Variants in TPH1 observed in about 807,000 individuals in gnomAD.
The protein encoded by TPH1 is tryptophan 5-hydroxylase 1.
A neutral mutation model predicts 49.5 loss-of-function variants in TPH1; 37 were observed. That is an observed-to-expected ratio of 0.75 (90% CI 0.58 to 0.98). The LOEUF (loss-of-function observed/expected upper bound fraction) is 0.98. TPH1 is among the 50% of genes least tolerant of loss of function. TPH1 has a pLI of 0.00. For missense variants in TPH1, 487 were observed against 523.6 expected, an observed-to-expected ratio of 0.93 and a Z score of 0.68; for synonymous variants, 160 against 182.1, an observed-to-expected ratio of 0.88 and a Z score of 0.98.
In TPH1 at chr11:18,040,789, C is replaced by T. The variant is rs751332233; in HGVS notation, c.-26-1G>A. 6.2e-7 allele frequency: 1 copy of T among 1,607,688 alleles called. No individual in the cohort carries two copies. The highest frequency in any genetic ancestry group is 8.5e-7 in the Non-Finnish European group (1 of 1,177,138). On this transcript the variant is annotated splice_acceptor_variant, in intron 1 of 10. Transcript: ENST00000682019. LOFTEE classifies it low-confidence loss of function (5UTR_SPLICE). ...ATGAATTTGGAGTAATTCTCTAAAA[C>T]TAAAGTATGAAAACAAAGACTACGG...
chr11:18,026,695 T>G, intron 6 of TPH1, 70 bp from the exon 7 acceptor site: 1 of 1,590,658 alleles, frequency 6.3e-7, no homozygotes, highest in Non-Finnish European at 8.6e-7. Context: ...ATTTTAGTTC[T>G]GCTAGTGGCA....
Position 18,040,695 on chromosome 11 carries a change from G to GA in TPH1, c.67dup (p.Ser23PhefsTer5). ...AAGTCCTCCAACTTCATTCTTTAAG[G>GA]AAAAAATGAGACTTGCTCTTCCCCT... On this transcript the variant is annotated frameshift_variant, in exon 2 of 11. Transcript: ENST00000682019. LOFTEE classifies it high-confidence loss of function. 2 of 1,612,026 alleles carry GA rather than the reference G, an allele frequency of 1.2e-6. No homozygotes were observed. Among genetic ancestry groups the GA allele is most frequent in the Non-Finnish European group, 1.7e-6 (2 of 1,178,928 alleles).
chr11:18,018,186 A>C lies in TPH1; in HGVS notation c.*2805T>G, dbSNP rs1033716125. Reference sequence around the variant, plus strand: ...GAGTGAGACTCTGTCTCAAAAAAAAAAAAAAATTATAAACGAAGCTTTTAG... The same window carrying C: ...GAGTGAGACTCTGTCTCAAAAAAAACAAAAAATTATAAACGAAGCTTTTAG... On this transcript the variant is annotated 3_prime_UTR_variant, in exon 11 of 11. Transcript: ENST00000682019. 6.6e-6 allele frequency: 1 copy of C among 152,052 alleles called. No individual in the cohort carries two copies. Among genetic ancestry groups the C allele is most frequent in the Non-Finnish European group, 1.5e-5 (1 of 68,014 alleles). 9.4% of individuals were successfully genotyped at this position (152,052 alleles called of 1,614,324 possible).
rs1565234932 is a variant in TPH1 at position 18,023,929 on chromosome 11, C to CTCTTAGCTGTCCATCT, written c.969_984dup (p.Val329ArgfsTer17). 6.2e-7 allele frequency: 1 copy of CTCTTAGCTGTCCATCT among 1,613,482 alleles called. No homozygotes were observed. The highest frequency in any genetic ancestry group is 2.2e-5 in the East Asian group (1 of 44,804). ...GAAGAAAGTAAGCCAGCACCAAAGA[C>CTCTTAGCTGTCCATCT]TCTTAGCTGTCCATCTTGTTTACAT... On this transcript the variant is annotated frameshift_variant, in exon 9 of 11. Transcript: ENST00000682019. LOFTEE classifies it high-confidence loss of function.
At chr11:18,039,799 G>A (rs1564859976) in intron 2 of TPH1, among the ~76,000 whole-genome samples, 1 of 152,062 alleles carries the variant, frequency 6.6e-6, no homozygotes, top group Non-Finnish European at 1.5e-5. Flanking sequence ...ATAAATATTC[G>A]TGTTCTGCCT....
chr11:18,038,901 A>G (rs891310750), intron 2 of TPH1, among the ~76,000 whole-genome samples: 3 of 152,158 alleles, frequency 2.0e-5, no homozygotes, highest in African/African-American at 7.2e-5. Flanking sequence ...ATTTGGAAGG[A>G]CTGGGAGAGG....
chr11:18,046,203 C>T (rs1255684871), intron 1 of TPH1, among the ~76,000 whole-genome samples, 38 bp downstream of exon 1: 3 of 152,130 alleles, frequency 2.0e-5, no homozygotes, highest in African/African-American at 4.8e-5. Flanking sequence ...GCCTCGACGG[C>T]GGTCCCCGGT....
chr11:18,035,018 C>T (rs1378573910), intron 3 of TPH1, among the ~76,000 whole-genome samples: 1 of 152,240 alleles, frequency 6.6e-6, no homozygotes, highest in African/African-American at 2.4e-5. Flanking sequence ...CTAGATCCCT[C>T]GCACTCGCAG....
chr11:18,023,665 C>A (rs1854389863), intron 9 of TPH1, among the ~76,000 whole-genome samples: 1 of 150,356 alleles, frequency 6.7e-6, no homozygotes, highest in Admixed American at 6.6e-5. Flanking sequence ...TTATAAAATT[C>A]TTATTTTATC....
At chr11:18,045,227 C>G (rs1476530541) in intron 1 of TPH1, among the ~76,000 whole-genome samples, 1 of 152,050 alleles carries the variant, frequency 6.6e-6, no homozygotes, top group Admixed American at 6.5e-5. Flanking sequence ...GAATCCTCTA[C>G]GGAGTCTTGA....
At chr11:18,024,968 C>G (rs1265286086) in intron 8 of TPH1, among the ~76,000 whole-genome samples, 5 of 152,174 alleles carry the variant, frequency 3.3e-5, no homozygotes, top group African/African-American at 1.2e-4. Context: ...GTCCTTCTCC[C>G]AGGAAACCTT....
chr11:18,023,253 G>A, intron 9 of TPH1: 1 of 336,648 alleles, frequency 3.0e-6, no homozygotes, highest in South Asian at 2.9e-5. Flanking sequence ...TTATTCCTAT[G>A]TATGACTTAT....
At chr11:18,044,639 C>A (rs1010129999) in intron 1 of TPH1, among the ~76,000 whole-genome samples, 1 of 151,862 alleles carries the variant, frequency 6.6e-6, no homozygotes. Context: ...TATGAGGCAT[C>A]AGTTATTTTT....
At chr11:18,045,865 A>G (rs373904409) in intron 1 of TPH1, among the ~76,000 whole-genome samples, 3 of 152,146 alleles carry the variant, frequency 2.0e-5, no homozygotes, top group Admixed American at 6.5e-5. Context: ...GAAGGGAAGG[A>G]AGAAAAATCT....
At chr11:18,044,750 G>GA (rs201000016) in intron 1 of TPH1, among the ~76,000 whole-genome samples, 50,535 of 149,026 alleles carry the variant, frequency 0.34, 9,137 homozygotes, top group Middle Eastern at 0.42. Context: ...ACTCTTTCAG[G>GA]AAAACAAAAC....
chr11:18,026,135 C>A (rs575563492), intron 7 of TPH1, among the ~76,000 whole-genome samples: 1 of 152,088 alleles, frequency 6.6e-6, no homozygotes, highest in Non-Finnish European at 1.5e-5. Context: ...CAACACCACT[C>A]GATGCAACAT....
rs762245259 is a variant in TPH1, at chr11:18,035,953, A to C, written c.301+6T>G. ...TCTAAGTAGTATTTTCACATTTTGA[A>C]CTTACCATCTTCCTTCAAAGTAAAA... On this transcript the variant is annotated splice_donor_region_variant and intron_variant, in intron 3 of 10. Transcript: ENST00000682019. 2.5e-6 allele frequency: 4 copies of C among 1,608,340 alleles called. No individual in the cohort carries two copies. Among genetic ancestry groups the C allele is most frequent in the East Asian group, 2.2e-5 (1 of 44,800 alleles).
chr11:18,042,552 C>A, intron 1 of TPH1: 1 of 269,708 alleles, frequency 3.7e-6, no homozygotes, highest in South Asian at 3.7e-5. Context: ...TCTTTATTTG[C>A]AAACTTGGAG....
At position 18,020,992 on chromosome 11, in the gene TPH1, T is replaced by C. The variant is rs2134024066; in HGVS notation, c.1334A>G (p.Ter445=). 1 of 1,613,970 alleles carries C rather than the reference T, an allele frequency of 6.2e-7. No individual in the cohort carries two copies. Among genetic ancestry groups the C allele is most frequent in the East Asian group, 2.2e-5 (1 of 44,878 alleles). ...LAKVSRKPSI[*] ...ATGTTCCTGGATGACTGGCTACTGT[T>C]AGATACTCGGCTTCCTGCTGACCTT... Residue 445 remains the stop codon, a stop_retained_variant, in exon 11 of 11, where the codon TAA becomes TGA. Coordinates refer to ENST00000682019, the MANE Select transcript of TPH1 (RefSeq NM_004179.3).
Sources: allele counts gnomAD v4.1 joint callset (sites outside exome capture counted in the v4.1 genomes callset), GRCh38; gene constraint gnomAD v4.1.1; transcripts MANE v1.5; gene names NCBI Gene and HGNC (gene_info 2026-07-23, HGNC 2026-07-21).